The following FAM184A variants were observed in gnomAD, a reference collection of about 807,000 sequenced individuals.
The protein encoded by FAM184A is family with sequence similarity 184 member A, also known as protein FAM184A.
A neutral mutation model predicts 143.8 loss-of-function variants in FAM184A; 99 were observed. The observed-to-expected ratio is 0.69, with a 90% CI of 0.58 to 0.81. The LOEUF (loss-of-function observed/expected upper bound fraction) is 0.81. Among genes scored for constraint, FAM184A ranks in the 40% least tolerant of loss-of-function variants. The probability of loss-of-function intolerance (pLI) is 0.00; values close to 1 mark genes in which losing one functional copy is unlikely to be tolerated. For synonymous variants in FAM184A, 427 were observed against 446.4 expected, an observed-to-expected ratio of 0.96 and a Z score of 0.55; for missense variants, 1,217 against 1,310.5, an observed-to-expected ratio of 0.93 and a Z score of 1.10.
At chr6:119,115,705 G>A (rs888149535) in intron 1 of FAM184A, among the ~76,000 whole-genome samples, 4 of 151,880 alleles carry the variant, frequency 2.6e-5, no homozygotes, top group Admixed American at 2.6e-4. Flanking sequence ...GCTCATGCCT[G>A]TAGTCTCAGT....
intron 1 of FAM184A, among the ~76,000 whole-genome samples, chr6:119,106,490 G>A (rs537750161): frequency 6.3e-4 from 96 of 152,334 alleles, no homozygotes; most frequent in Non-Finnish European, 1.0e-3. Flanking sequence ...GGGACCTTTC[G>A]TCTTCTCATC....
intron 1 of FAM184A, among the ~76,000 whole-genome samples, chr6:119,029,091 G>C (rs1179634556): frequency 6.6e-6 from 1 of 152,192 alleles, no homozygotes; most frequent in Non-Finnish European, 1.5e-5. Flanking sequence ...CCATTTGCTA[G>C]AGTGCCTAGA....
intron 1 of FAM184A, among the ~76,000 whole-genome samples, chr6:119,034,530 T>C (rs985449252): frequency 5.3e-5 from 8 of 151,690 alleles, no homozygotes; most frequent in Admixed American, 1.3e-4. Context: ...CCACATTGTA[T>C]TGAGTCGTCA....
At chr6:119,034,019 A>AATATATAT (rs1166841690) in intron 1 of FAM184A, among the ~76,000 whole-genome samples, 32 of 63,522 alleles carry the variant, frequency 5.0e-4, no homozygotes, top group Admixed American at 9.3e-4. Flanking sequence ...AAAAAAAAAA[A>AATATATAT]ATATATATAT....
chr6:119,057,014 G>T (rs1047956469), intron 1 of FAM184A, among the ~76,000 whole-genome samples: 1 of 152,094 alleles, frequency 6.6e-6, no homozygotes, highest in Non-Finnish European at 1.5e-5. Context: ...GCAATTTTTT[G>T]AATTTTTGGA....
chr6:118,984,768 G>A (rs752186025), intron 9 of FAM184A, among the ~76,000 whole-genome samples: 7 of 152,158 alleles, frequency 4.6e-5, no homozygotes, highest in Non-Finnish European at 7.3e-5. Flanking sequence ...GATAGTAAAC[G>A]TAATCTGTGA....
At chr6:118,997,950 C>T (rs963413401) in intron 9 of FAM184A, among the ~76,000 whole-genome samples, 2 of 152,158 alleles carry the variant, frequency 1.3e-5, no homozygotes, top group African/African-American at 4.8e-5. Context: ...CTGAAACTGG[C>T]TTTTCAACTG....
At chr6:119,147,627 C>G (rs779007082) in intron 1 of FAM184A, among the ~76,000 whole-genome samples, 1 of 152,210 alleles carries the variant, frequency 6.6e-6, no homozygotes, top group Non-Finnish European at 1.5e-5. Flanking sequence ...TCAGCCTGCT[C>G]GAACTCAGAC....
intron 1 of FAM184A, among the ~76,000 whole-genome samples, chr6:119,148,520 C>T (rs1772532319): frequency 6.6e-6 from 1 of 152,076 alleles, no homozygotes; most frequent in South Asian, 2.1e-4. Flanking sequence ...TCTCTTTGTC[C>T]CGCCCCTGCT....
intron 1 of FAM184A, among the ~76,000 whole-genome samples, chr6:119,072,573 A>C (rs1787729802): frequency 6.6e-6 from 1 of 152,236 alleles, no homozygotes; most frequent in South Asian, 2.1e-4. Context: ...TGAAAAATTC[A>C]CTGGTTTTGG....
rs191546757 is a variant in FAM184A, at chr6:119,047,248, T to C, written c.160-22435A>G. On this transcript the variant is annotated intron_variant, in intron 1 of 17. Transcript: ENST00000338891. ...GCAGTAACAAATGCTGGCAAGGATA[T>C]GGAGAAAAGGGAACCCTTGTACACT... 3.2e-3 allele frequency among the ~76,000 whole-genome samples: 486 copies of C among 152,196 alleles called. 2 individuals are homozygous for C. Among genetic ancestry groups the C allele is most frequent in the African/African-American group, 0.011 (454 of 41,510 alleles).
chr6:118,968,847 A>ATCC (rs1783580934), intron 14 of FAM184A, among the ~76,000 whole-genome samples: 2 of 152,026 alleles, frequency 1.3e-5, no homozygotes, highest in African/African-American at 4.8e-5. Context: ...ATAAAGGTCT[A>ATCC]TCCCTGAATC....
intron 9 of FAM184A, among the ~76,000 whole-genome samples, chr6:118,993,073 C>T (rs540365096): frequency 1.3e-5 from 2 of 152,238 alleles, no homozygotes; most frequent in African/African-American, 4.8e-5. Context: ...TGTAAAAATA[C>T]TTATTTGGGA....
chr6:119,029,678 T>A (rs566066927), intron 1 of FAM184A, among the ~76,000 whole-genome samples: 19 of 152,188 alleles, frequency 1.2e-4, no homozygotes, highest in Non-Finnish European at 2.4e-4. Flanking sequence ...TAAGTTAGAA[T>A]AGGATTTAAG....
At chr6:119,131,527 C>T (rs1789534078) in intron 1 of FAM184A, among the ~76,000 whole-genome samples, 2 of 152,026 alleles carry the variant, frequency 1.3e-5, no homozygotes, top group South Asian at 4.1e-4. Context: ...GCTCTATTGC[C>T]CAGGCTGGAA....
rs573122816 is a variant in FAM184A, at chr6:119,091,216, T to G, written c.-202+57862A>C. Among the ~76,000 whole-genome samples, 61 of 152,310 alleles carry G rather than the reference T, an allele frequency of 4.0e-4. No individual in the cohort carries two copies. The South Asian group carries it at 0.011, about 27-fold the overall frequency. ...TTATAAAAATAATTCTTTGCATTTT[T>G]TAAGAATGTTAGCAGAGCCTAAGGA... is the stretch of plus-strand genomic sequence containing the variant. On this transcript the variant is annotated intron_variant, in intron 1 of 16. Transcript: ENST00000352896.
At chr6:119,129,114 C>T (rs540585598) in intron 1 of FAM184A, among the ~76,000 whole-genome samples, 1 of 152,210 alleles carries the variant, frequency 6.6e-6, no homozygotes, top group African/African-American at 2.4e-5. Flanking sequence ...AACCTGGAAG[C>T]CCCTCTCTCC....
intron 9 of FAM184A, among the ~76,000 whole-genome samples, chr6:118,984,731 G>A (rs958301173): frequency 5.9e-5 from 9 of 152,162 alleles, no homozygotes; most frequent in Non-Finnish European, 2.9e-5. Context: ...TACAAATGAT[G>A]TGTTCTCCAA....
chr6:119,055,788 G>A (rs1164643507), intron 1 of FAM184A, among the ~76,000 whole-genome samples: 1 of 151,956 alleles, frequency 6.6e-6, no homozygotes, highest in African/African-American at 2.4e-5. Flanking sequence ...CTTATTATGG[G>A]CTTCATCTAC....
Sources: gnomAD v4.1 joint callset for allele counts (sites outside exome capture counted in the v4.1 genomes callset) on GRCh38, gnomAD v4.1.1 for gene constraint, MANE v1.5 for transcripts, NCBI Gene and HGNC (gene_info 2026-07-23, HGNC 2026-07-21) for gene names.